The following FAM153A variants were observed in gnomAD, a reference collection of about 807,000 sequenced individuals.
FAM153A encodes the protein family with sequence similarity 153 member A.
Under a neutral mutation model 48.1 loss-of-function variants are expected in FAM153A, and 12 were observed. The observed-to-expected ratio is 0.25, with a 90% CI of 0.16 to 0.40. FAM153A has a LOEUF of 0.40. Among genes scored for constraint, FAM153A ranks in the 10% least tolerant of loss-of-function variants. The pLI, the probability that FAM153A is intolerant of heterozygous loss-of-function variation, is 1.00. For missense variants in FAM153A, 111 were observed against 345.8 expected (o/e 0.32, Z 5.38); for synonymous variants, 36 against 118.2 (o/e 0.30, Z 4.51).
At chr5:177,703,402 TGGAA>T (rs1365566053), downstream of FAM153A, among the ~76,000 whole-genome samples, 6 of 151,696 alleles carry the variant, frequency 4.0e-5, no homozygotes, top group African/African-American at 1.5e-4. Context: ...AATTGTATCT[TGGAA>T]GTAACTAACT....
downstream of FAM153A, among the ~76,000 whole-genome samples, chr5:177,709,678 T>G (rs1374877326): frequency 2.8e-5 from 4 of 142,310 alleles, no homozygotes; most frequent in African/African-American, 5.2e-5. Flanking sequence ...TTTTTTGTTT[T>G]TTTTTTTTTT....
chr5:177,737,935 A>G (rs1373689312), intron 10 of FAM153A, among the ~76,000 whole-genome samples: 1 of 151,730 alleles, frequency 6.6e-6, no homozygotes, highest in Non-Finnish European at 1.5e-5. Flanking sequence ...CCAAGATTTG[A>G]AAATACTCAA....
chr5:177,750,029 TC>T (rs1444551993), intron 2 of FAM153A: 1 of 148,790 alleles, frequency 6.7e-6, no homozygotes, highest in African/African-American at 2.5e-5. Flanking sequence ...CTAACCCTGT[TC>T]GATGAAACCA....
downstream of FAM153A, among the ~76,000 whole-genome samples, chr5:177,710,586 T>G (rs902150952): frequency 1.3e-5 from 2 of 149,942 alleles, no homozygotes; most frequent in Admixed American, 6.6e-5. Flanking sequence ...CAATGTAAGC[T>G]TGTTATTCAA....
At chr5:177,695,051 G>A in the FAM153A span, among the ~76,000 whole-genome samples, 1 of 145,000 alleles carries the variant, frequency 6.9e-6, no homozygotes, top group Non-Finnish European at 1.5e-5. Context: ...AGCCTCCCAA[G>A]TACCTGGGAC....
chr5:177,738,748 G>A (rs1376020373), intron 10 of FAM153A, among the ~76,000 whole-genome samples: 2 of 151,456 alleles, frequency 1.3e-5, no homozygotes, highest in Non-Finnish European at 2.9e-5. Context: ...GTGTGCAGTG[G>A]TAATGGAATT....
chr5:177,752,636 A>G (rs1378254460), intron 1 of FAM153A, among the ~76,000 whole-genome samples: 5 of 134,446 alleles, frequency 3.7e-5, no homozygotes, highest in East Asian at 2.2e-4. Flanking sequence ...AAAAAAAAAA[A>G]AAAAAAGAAA....
rs1368547213 is a variant in FAM153A, at chr5:177,778,590, T to C, written c.-57+1859A>G. On this transcript the variant is annotated intron_variant, in intron 1 of 8. Transcript: ENST00000393518. ...CAGACTTCCAGACCAGCCTGGGCAATATAGTGAGGAAAAAAAAAACCTTAA... is the reference window on the plus strand; with the variant it reads ...CAGACTTCCAGACCAGCCTGGGCAACATAGTGAGGAAAAAAAAAACCTTAA... Among the ~76,000 whole-genome samples the C allele has an allele frequency of 1.5e-4, 13 of 88,048 alleles. 4 individuals carry two copies. Among genetic ancestry groups the C allele is most frequent in the East Asian group, 3.4e-4 (1 of 2,958 alleles). 57.8% of individuals were successfully genotyped at this position (88,048 alleles called of 152,430 possible).
rs201973231 is a variant in FAM153A at position 177,778,407 on chromosome 5, A to G, written c.-57+2042T>C. Among the ~76,000 whole-genome samples, 66 of 83,340 alleles carry G rather than the reference A, an allele frequency of 7.9e-4. 20 individuals carry two copies. Among genetic ancestry groups the G allele is most frequent in the South Asian group, 2.6e-3 (6 of 2,330 alleles). 54.7% of individuals were successfully genotyped at this position (83,340 alleles called of 152,430 possible). On this transcript the variant is annotated intron_variant, in intron 1 of 8. Transcript: ENST00000393518. The stretch of plus-strand genomic sequence containing the variant: ...TGTTCTACAATATGAATGTTTCTAG[A>G]AAAAAAAAAAAATGAAAAGGTGGTC...
rs2127719834 is a variant in FAM153A at position 177,770,963 on chromosome 5, T to A, written c.-57+9486A>T. 2.0e-5 allele frequency among the ~76,000 whole-genome samples: 2 copies of A among 97,828 alleles called. 1 individual carries two copies. Among genetic ancestry groups the A allele is most frequent in the African/African-American group, 8.0e-5 (2 of 24,888 alleles). The allele number at this position is 97,828 out of a possible 152,430, so 64.2% of individuals were successfully genotyped here. ...TATTCATTGTCTGTGCATCCCAGGA[T>A]TTCCAGAACAAAAATAAAAAATAAA... On this transcript the variant is annotated intron_variant, in intron 1 of 8. Coordinates refer to the FAM153A transcript ENST00000393518.
chr5:177,698,627 A>G, the FAM153A span, among the ~76,000 whole-genome samples: 1 of 151,978 alleles, frequency 6.6e-6, no homozygotes, highest in African/African-American at 2.4e-5. Context: ...TGATGTTTAA[A>G]AAATAAACTG....
chr5:177,721,631 GCC>G, downstream of FAM153A, among the ~76,000 whole-genome samples: 1 of 89,070 alleles, frequency 1.1e-5, no homozygotes, highest in Non-Finnish European at 2.2e-5. Flanking sequence ...CAGTCCTCCT[GCC>G]TCAGCCTCCC....
At position 177,769,301 on chromosome 5, in the gene FAM153A, A is replaced by G. The variant is rs1371561134; in HGVS notation, c.-57+11148T>C. ...AAGAGACCACATTCAAGTAACTTTTATTACAGTATAATTTTTTATTTTATT... is the reference window on the plus strand; with the variant it reads ...AAGAGACCACATTCAAGTAACTTTTGTTACAGTATAATTTTTTATTTTATT... On this transcript the variant is annotated intron_variant, in intron 1 of 8. Coordinates refer to the FAM153A transcript ENST00000393518. Among the ~76,000 whole-genome samples the G allele has an allele frequency of 7.6e-5, 7 of 91,898 alleles. 1 individual carries two copies. Among genetic ancestry groups the G allele is most frequent in the Non-Finnish European group, 1.3e-4 (6 of 45,594 alleles). The allele number at this position is 91,898 out of a possible 152,430, so 60.3% of individuals were successfully genotyped here.
the FAM153A span, among the ~76,000 whole-genome samples, chr5:177,698,825 T>A: frequency 1.3e-4 from 19 of 151,636 alleles, no homozygotes; most frequent in Non-Finnish European, 2.4e-4. Flanking sequence ...GCCTGGCTAA[T>A]TTTTGTATTT....
upstream of FAM153A, among the ~76,000 whole-genome samples, chr5:177,754,930 C>T (rs1012156477): frequency 1.3e-5 from 2 of 151,864 alleles, no homozygotes; most frequent in African/African-American, 4.9e-5. Context: ...ATCAGAGTGC[C>T]TCTCCTCCTC....
At chr5:177,697,499 C>T in the FAM153A span, among the ~76,000 whole-genome samples, 1 of 151,614 alleles carries the variant, frequency 6.6e-6, no homozygotes, top group African/African-American at 2.4e-5. Flanking sequence ...GAGGCAGAGT[C>T]AGCCCTTTCT....
the FAM153A span, among the ~76,000 whole-genome samples, chr5:177,700,413 GA>G: frequency 6.6e-6 from 1 of 151,936 alleles, no homozygotes; most frequent in African/African-American, 2.4e-5. Context: ...CAGATGACAT[GA>G]TCCTGAATAT....
chr5:177,741,344 A>G lies in FAM153A; in HGVS notation c.365-12T>C. 1.7e-6 allele frequency: 1 copy of G among 575,246 alleles called. No homozygotes were observed. The highest frequency in any genetic ancestry group is 2.5e-6 in the Non-Finnish European group (1 of 394,314). 35.6% of individuals were successfully genotyped at this position (575,246 alleles called of 1,614,324 possible). A position where few individuals can be genotyped will look rare whatever the true frequency, so the allele number is the denominator to read the frequency against. ...GCCTTCGTCACGCTCTAGGAAACAC[A>G]GAGTAATTGTCAGCACGTTGGGTGC... On this transcript the variant is annotated splice_polypyrimidine_tract_variant and intron_variant, in intron 6 of 20. Transcript: ENST00000614127.
At chr5:177,700,461 G>A in the FAM153A span, among the ~76,000 whole-genome samples, 1 of 151,854 alleles carries the variant, frequency 6.6e-6, no homozygotes, top group African/African-American at 2.4e-5. Flanking sequence ...AACTATGAGA[G>A]CTAATGAAGG....
Sources: allele counts gnomAD v4.1 joint callset (sites outside exome capture counted in the v4.1 genomes callset), GRCh38; gene constraint gnomAD v4.1.1; transcripts MANE v1.5; gene names NCBI Gene and HGNC (gene_info 2026-07-23, HGNC 2026-07-21).